The following MGA variants were observed in gnomAD, a reference collection of about 807,000 sequenced individuals.
MGA encodes MAX dimerization protein MGA.
MGA carries 40 observed loss-of-function variants against 261.1 expected under a neutral mutation model. That is an observed-to-expected ratio of 0.15 (90% CI 0.12 to 0.20). The LOEUF (loss-of-function observed/expected upper bound fraction) is 0.20. Among genes scored for constraint, MGA ranks in the 10% least tolerant of loss-of-function variants. The pLI, the probability that MGA is intolerant of heterozygous loss-of-function variation, is 1.00. For synonymous variants in MGA, 1,302 were observed against 1,290.6 expected (o/e 1.01, Z -0.19); for missense variants, 3,397 against 3,630.5 (o/e 0.94, Z 1.65).
At chr15:41,719,899 A>G (rs1880232529) in intron 9 of MGA, among the ~76,000 whole-genome samples, 1 of 152,206 alleles carries the variant, frequency 6.6e-6, no homozygotes. Flanking sequence ...AAATGAGATT[A>G]TGATATTAAT....
chr15:41,628,136 C>T (rs1051864018), intron 1 of MGA, among the ~76,000 whole-genome samples: 3 of 151,680 alleles, frequency 2.0e-5, no homozygotes, highest in African/African-American at 2.4e-5. Flanking sequence ...TTTGGGAGGC[C>T]GAGGCAGGTG....
chr15:41,676,298 T>G (rs1721537006), intron 2 of MGA, among the ~76,000 whole-genome samples: 1 of 152,142 alleles, frequency 6.6e-6, no homozygotes, highest in African/African-American at 2.4e-5. Flanking sequence ...TTCTCCTGCC[T>G]CAGCCTCCCG....
intron 2 of MGA, among the ~76,000 whole-genome samples, chr15:41,688,309 C>T (rs980127026): frequency 6.6e-6 from 1 of 152,102 alleles, no homozygotes; most frequent in Non-Finnish European, 1.5e-5. Context: ...CTCCTGAGCT[C>T]AGGTGATCCA....
At position 41,749,158 on chromosome 15, in the gene MGA, A is replaced by T; in HGVS notation, c.5551A>T (p.Thr1851Ser). 1.9e-6 allele frequency: 3 copies of T among 1,613,692 alleles called. No homozygotes were observed. The highest frequency in any genetic ancestry group is 2.5e-6 in the Non-Finnish European group (3 of 1,179,846). Residue 1851 changes from threonine to serine, a missense_variant, in exon 17 of 24, where the codon ACT becomes TCT. Physicochemically the swap from Thr to Ser is moderately conservative, Grantham distance 58 (BLOSUM62 1). Coordinates refer to ENST00000219905, the MANE Select transcript of MGA (RefSeq NM_001164273.2). ...ACCTGCTCCTTCCAAACCCTCTGAG[A>T]CTCCGCCATCTTCCACTTCGTCCTC...
intron 12 of MGA, among the ~76,000 whole-genome samples, chr15:41,734,937 C>T (rs1465060473): frequency 1.3e-5 from 2 of 151,828 alleles, no homozygotes; most frequent in African/African-American, 2.4e-5. Flanking sequence ...ACTGCCACCT[C>T]TGGGGAAATC....
At chr15:41,659,943 C>G (rs2057296628), upstream of MGA, among the ~76,000 whole-genome samples, 1 of 152,234 alleles carries the variant, frequency 6.6e-6, no homozygotes, top group Non-Finnish European at 1.5e-5. Flanking sequence ...TGGAGCTGTC[C>G]AAGCCCCGGT....
At chr15:41,730,701 T>C (rs1427792495) in intron 11 of MGA, among the ~76,000 whole-genome samples, 1 of 152,202 alleles carries the variant, frequency 6.6e-6, no homozygotes, top group Admixed American at 6.5e-5. Context: ...AGACAAAATA[T>C]GTCTTCCCAT....
At chr15:41,626,929 A>G (rs563311014) in intron 1 of MGA, among the ~76,000 whole-genome samples, 2 of 152,048 alleles carry the variant, frequency 1.3e-5, no homozygotes, top group Non-Finnish European at 2.9e-5. Flanking sequence ...AAATGGCACT[A>G]TCTCTGCTTA....
intron 17 of MGA, among the ~76,000 whole-genome samples, chr15:41,753,992 C>T (rs1238352392): frequency 6.6e-6 from 1 of 152,090 alleles, no homozygotes; most frequent in Non-Finnish European, 1.5e-5. Context: ...AGTCTTGGGT[C>T]ACTGCAGCCT....
Position 41,713,071 on chromosome 15 carries a change from CA to C in MGA, c.3085-79del, listed in dbSNP as rs1454643414. The C allele has an allele frequency of 2.0e-6, 3 of 1,533,782 alleles. No individual in the cohort carries two copies. In the African/African-American group the frequency reaches 4.1e-5, roughly 21 times the overall value. On this transcript the variant is annotated intron_variant, in intron 8 of 23. Transcript: ENST00000219905. The stretch of plus-strand genomic sequence containing the variant: ...TAGTACTTAAAATCAGAGAGTAATG[CA>C]GTCCAGTATATGACCATAAGTTGGT...
chr15:41,668,807 T>G, intron 1 of MGA, 21 bp from the exon 2 acceptor site: 2 of 1,070,418 alleles, frequency 1.9e-6, no homozygotes, highest in East Asian at 2.4e-5. Flanking sequence ...TGTTTTTGGT[T>G]TTTTTTTGCT....
At chr15:41,680,296 A>C (rs1018613418) in intron 2 of MGA, among the ~76,000 whole-genome samples, 1 of 152,176 alleles carries the variant, frequency 6.6e-6, no homozygotes, top group East Asian at 1.9e-4. Flanking sequence ...ATAATTTTTA[A>C]AAGGAAATTC....
At chr15:41,621,832 C>T (rs1296095904) in intron 1 of MGA, among the ~76,000 whole-genome samples, 1 of 152,210 alleles carries the variant, frequency 6.6e-6, no homozygotes, top group African/African-American at 2.4e-5. Context: ...CGACCGGGCC[C>T]TGACGGCCTG....
At chr15:41,657,184 C>G (rs1276596116), upstream of MGA, among the ~76,000 whole-genome samples, 3 of 152,150 alleles carry the variant, frequency 2.0e-5, no homozygotes, top group Admixed American at 2.0e-4. Flanking sequence ...TTCCTTAATT[C>G]CTTCATTACA....
chr15:41,676,493 T>A lies in MGA; in HGVS notation c.1064+6535T>A, dbSNP rs571492946. Among the ~76,000 whole-genome samples the A allele has an allele frequency of 4.4e-4, 67 of 152,368 alleles. No homozygotes were observed. In the South Asian group the frequency reaches 0.011, roughly 24 times the overall value. ...TAAAACAAGAATTAATTCACAAATG[T>A]CAATATTAGACAAATATGAACAGTT... is the stretch of plus-strand genomic sequence containing the variant. On this transcript the variant is annotated intron_variant, in intron 2 of 23. Transcript: ENST00000219905.
At chr15:41,663,096 C>G (rs536431046) in intron 1 of MGA, among the ~76,000 whole-genome samples, 1 of 152,100 alleles carries the variant, frequency 6.6e-6, no homozygotes, top group South Asian at 2.1e-4. Flanking sequence ...ATAAACATTT[C>G]CCAAAGAGGT....
At chr15:41,695,248 G>A (rs543615828) in intron 2 of MGA, among the ~76,000 whole-genome samples, 14 of 151,938 alleles carry the variant, frequency 9.2e-5, no homozygotes, top group African/African-American at 3.4e-4. Flanking sequence ...GGAGGCAGTG[G>A]CACAATCTCG....
chr15:41,666,289 T>C (rs2057733526), intron 1 of MGA, among the ~76,000 whole-genome samples: 1 of 152,240 alleles, frequency 6.6e-6, no homozygotes, highest in African/African-American at 2.4e-5. Context: ...CATCAAGTTT[T>C]CCTTGGATAT....
intron 11 of MGA, among the ~76,000 whole-genome samples, chr15:41,732,272 C>G (rs564953643): frequency 1.3e-5 from 2 of 152,058 alleles, no homozygotes; most frequent in South Asian, 4.2e-4. Flanking sequence ...CTTAGCCTCC[C>G]GAGTAGCTGG....
Sources: allele counts gnomAD v4.1 joint callset (sites outside exome capture counted in the v4.1 genomes callset), GRCh38; gene constraint gnomAD v4.1.1; transcripts MANE v1.5; gene names NCBI Gene and HGNC (gene_info 2026-07-23, HGNC 2026-07-21).